The following GLIS1 variants were observed in gnomAD, a reference collection of about 807,000 sequenced individuals.
The protein encoded by GLIS1 is zinc finger protein GLIS1.
A neutral mutation model predicts 63.8 loss-of-function variants in GLIS1; 24 were observed. The ratio of observed to expected loss-of-function variants is 0.38; its 90% CI spans 0.27 to 0.53. The LOEUF (loss-of-function observed/expected upper bound fraction) is 0.53. Ranked by LOEUF, GLIS1 falls within the 20% of genes least tolerant of loss-of-function variation. The pLI is 0.85. For synonymous variants in GLIS1, 450 were observed against 482.5 expected, an observed-to-expected ratio of 0.93 and a Z score of 0.88; for missense variants, 1,036 against 1,074.1, an observed-to-expected ratio of 0.96 and a Z score of 0.50.
chr1:53,686,858 A>T (rs1328710439), intron 2 of GLIS1, among the ~76,000 whole-genome samples: 1 of 152,222 alleles, frequency 6.6e-6, no homozygotes, highest in Non-Finnish European at 1.5e-5. Context: ...TGGCCAGATC[A>T]CCAAGGGCCT....
At chr1:53,660,727 T>A (rs1646018203) in intron 2 of GLIS1, among the ~76,000 whole-genome samples, 1 of 152,072 alleles carries the variant, frequency 6.6e-6, no homozygotes, top group Non-Finnish European at 1.5e-5. Context: ...GCCTAGACCT[T>A]CTCCCTCTCA....
At chr1:53,588,589 G>T (rs1210816928) in intron 4 of GLIS1, among the ~76,000 whole-genome samples, 1 of 152,216 alleles carries the variant, frequency 6.6e-6, no homozygotes, top group African/African-American at 2.4e-5. Context: ...GTAATTCCCT[G>T]GGATGAGCTT....
chr1:53,646,587 A>C lies in GLIS1; in HGVS notation c.260-46309T>G, dbSNP rs558541639. On this transcript the variant is annotated intron_variant, in intron 2 of 10. Transcript: ENST00000628545. The surrounding 1 kb of genome is among the most constrained non-coding windows in gnomAD (Gnocchi z 4.2). ...CGCTTTGGGAGGCTAAGGTGGGTGGATCAGTTGAGGTCAGGAGTTTGAGAC... is the reference window on the plus strand; with the variant it reads ...CGCTTTGGGAGGCTAAGGTGGGTGGCTCAGTTGAGGTCAGGAGTTTGAGAC... 6.6e-6 allele frequency among the ~76,000 whole-genome samples: 1 copy of C among 152,182 alleles called. No homozygotes were observed. Among genetic ancestry groups the C allele is most frequent in the Non-Finnish European group, 1.5e-5 (1 of 68,030 alleles).
intron 5 of GLIS1, among the ~76,000 whole-genome samples, chr1:53,528,438 CTT>C: frequency 6.6e-6 from 1 of 152,266 alleles, no homozygotes; most frequent in Non-Finnish European, 1.5e-5. Context: ...GACTCAGTCT[CTT>C]TGAGTCTCAA....
chr1:53,670,799 G>C (rs1273327805), intron 2 of GLIS1, among the ~76,000 whole-genome samples: 1 of 152,184 alleles, frequency 6.6e-6, no homozygotes, highest in Non-Finnish European at 1.5e-5. Context: ...GCAGCACCCA[G>C]CACCTCACCT....
At chr1:53,508,312 T>A (rs190463552) in intron 10 of GLIS1, among the ~76,000 whole-genome samples, 19 of 152,312 alleles carry the variant, frequency 1.2e-4, no homozygotes, top group African/African-American at 1.7e-4. Context: ...CAGGGTGGTA[T>A]GTGCCCGGCT....
At chr1:53,640,469 A>G (rs1645774733) in intron 2 of GLIS1, among the ~76,000 whole-genome samples, 1 of 152,124 alleles carries the variant, frequency 6.6e-6, no homozygotes, top group Admixed American at 6.5e-5. Context: ...TTTTCATCTG[A>G]CAGCTGGGGG....
intron 2 of GLIS1, among the ~76,000 whole-genome samples, chr1:53,731,268 G>T (rs1409603326): frequency 6.6e-6 from 1 of 152,216 alleles, no homozygotes; most frequent in Non-Finnish European, 1.5e-5. Context: ...GAGTCACTGG[G>T]AACATTCTCC....
At chr1:53,549,622 T>C (rs1042298553) in intron 4 of GLIS1, among the ~76,000 whole-genome samples, 1 of 152,240 alleles carries the variant, frequency 6.6e-6, no homozygotes, top group Non-Finnish European at 1.5e-5. Context: ...TTATGTTATC[T>C]TTTTCATTAT....
rs530938117 is a variant in GLIS1 at position 53,526,624 on chromosome 1, T to C, written c.1483-1737A>G. 1.3e-4 allele frequency among the ~76,000 whole-genome samples: 20 copies of C among 152,272 alleles called. No homozygotes were observed. The highest frequency in any genetic ancestry group is 3.9e-4 in the African/African-American group (16 of 41,542). ...CACGGCACACACACGTGCGTTCACA[T>C]GTGCCCAGGCACACACACGGCCCTG... On this transcript the variant is annotated intron_variant, in intron 5 of 10. Transcript: ENST00000628545. The surrounding 1 kb of genome is among the most constrained non-coding windows in gnomAD (Gnocchi z 4.4).
intron 2 of GLIS1, among the ~76,000 whole-genome samples, chr1:53,645,130 G>A (rs1645829494): frequency 6.6e-6 from 1 of 152,138 alleles, no homozygotes. Context: ...GTCTGGCCTC[G>A]GGGACTTTGC....
At chr1:53,649,742 C>T (rs549243790) in intron 2 of GLIS1, among the ~76,000 whole-genome samples, 1 of 152,280 alleles carries the variant, frequency 6.6e-6, no homozygotes, top group South Asian at 2.1e-4. Context: ...GTTCTATAAA[C>T]ATATTTCTCT....
At chr1:53,639,000 G>A (rs1349333373) in intron 2 of GLIS1, among the ~76,000 whole-genome samples, 1 of 152,120 alleles carries the variant, frequency 6.6e-6, no homozygotes. Context: ...ACCAGATGAC[G>A]CCAAGGTCTT....
intron 8 of GLIS1, 89 bp from the exon 9 acceptor site, chr1:53,510,116 G>T: frequency 1.5e-6 from 1 of 658,562 alleles, no homozygotes; most frequent in Non-Finnish European, 2.2e-6. Context: ...CCCCTCCAGC[G>T]ACGGGGAGCC....
rs1438354518 is a variant in GLIS1, at chr1:53,675,495, C to T, written c.259+62311G>A. Among the ~76,000 whole-genome samples, 6 of 152,238 alleles carry T rather than the reference C, an allele frequency of 3.9e-5. No homozygotes were observed. In the South Asian group the frequency reaches 1.2e-3, roughly 32 times the overall value. Reference sequence around the variant, plus strand: ...GGCCCAACTTTGGGCAAGTCATGGCCCCACTCTGAGTGAGCCCAGATCTCC... The same window carrying T: ...GGCCCAACTTTGGGCAAGTCATGGCTCCACTCTGAGTGAGCCCAGATCTCC... On this transcript the variant is annotated intron_variant, in intron 2 of 10. Transcript: ENST00000628545.
At chr1:53,620,058 G>T (rs539825910) in intron 2 of GLIS1, among the ~76,000 whole-genome samples, 2 of 152,282 alleles carry the variant, frequency 1.3e-5, no homozygotes, top group South Asian at 2.1e-4. Flanking sequence ...TGTCTCAAAG[G>T]TTCTCTGGTT....
intron 7 of GLIS1, among the ~76,000 whole-genome samples, chr1:53,520,432 C>A (rs1298005055): frequency 6.6e-6 from 1 of 152,236 alleles, no homozygotes; most frequent in Non-Finnish European, 1.5e-5. Flanking sequence ...AAGGAAACGT[C>A]CACCTAGTTA....
At chr1:53,581,558 G>A (rs1347548413) in intron 4 of GLIS1, among the ~76,000 whole-genome samples, 1 of 152,174 alleles carries the variant, frequency 6.6e-6, no homozygotes, top group Non-Finnish European at 1.5e-5. Context: ...TTTGGCTGGA[G>A]GACAGATCAT....
chr1:53,520,669 T>G lies in GLIS1; in HGVS notation c.1691A>C (p.Lys564Thr). The part of the protein sequence containing the change: ...TSTQLAASDG[K>T]GGCGLGQELL... The stretch of plus-strand genomic sequence containing the variant: ...CTCCTGGCCCAGGCCACAGCCACCC[T>G]TGCCGTCGCTGGCAGCCAGCTGTGT... Residue 564 changes from lysine (K) to threonine (T), a missense_variant, in exon 7 of 11, where the codon AAG becomes ACG. Transcript: ENST00000628545. 6.2e-7 allele frequency: 1 copy of G among 1,610,766 alleles called. No homozygotes were observed. The highest frequency in any genetic ancestry group is 1.1e-5 in the South Asian group (1 of 90,504).
Sources: gnomAD v4.1 joint callset for allele counts (sites outside exome capture counted in the v4.1 genomes callset) on GRCh38, gnomAD v4.1.1 for gene constraint, Gnocchi (gnomAD v3.1) non-coding constraint, MANE v1.5 for transcripts, NCBI Gene and HGNC (gene_info 2026-07-23, HGNC 2026-07-21) for gene names.